The following PARVA variants were observed in gnomAD, a reference collection of about 807,000 sequenced individuals.
The protein encoded by PARVA is parvin alpha, also known as alpha-parvin.
A neutral mutation model predicts 52.6 loss-of-function variants in PARVA; 25 were observed. The ratio of observed to expected loss-of-function variants is 0.48; its 90% CI spans 0.35 to 0.66. The LOEUF is 0.66. PARVA is among the 30% of genes least tolerant of loss of function. PARVA has a pLI of 0.01. For missense variants in PARVA, 373 were observed against 450.9 expected (o/e 0.83, Z 1.56); for synonymous variants, 185 against 179.1 (o/e 1.03, Z -0.26).
intron 1 of PARVA, among the ~76,000 whole-genome samples, chr11:12,462,242 A>C (rs1215173906): frequency 1.3e-5 from 2 of 152,218 alleles, no homozygotes; most frequent in Non-Finnish European, 1.5e-5. Context: ...TAAATATGTT[A>C]CTTTATGTGG....
At chr11:12,447,466 G>A (rs932464346) in intron 1 of PARVA, among the ~76,000 whole-genome samples, 5 of 152,156 alleles carry the variant, frequency 3.3e-5, no homozygotes, top group African/African-American at 9.7e-5. Flanking sequence ...CCCCGAGCCC[G>A]GTAGATATGG....
chr11:12,506,115 G>C (rs1941428475), intron 6 of PARVA, among the ~76,000 whole-genome samples: 1 of 152,134 alleles, frequency 6.6e-6, no homozygotes, highest in South Asian at 2.1e-4. Flanking sequence ...GGAAATCTCT[G>C]GAAATGTCTG....
chr11:12,445,807 T>C lies in PARVA; in HGVS notation c.137-27938T>C, dbSNP rs969624343. On this transcript the variant is annotated intron_variant, in intron 1 of 12. Coordinates refer to ENST00000334956, the MANE Select transcript of PARVA (RefSeq NM_018222.5). The stretch of plus-strand genomic sequence containing the variant: ...TTTCCAGGAAAGTCTCAATTTCAAA[T>C]ATTCTGTCCCATTTTACCCATGAGA... Among the ~76,000 whole-genome samples the C allele has an allele frequency of 3.4e-4, 51 of 152,180 alleles. 1 individual carries two copies. The highest frequency in any genetic ancestry group is 1.3e-4 in the Non-Finnish European group (9 of 68,040).
chr11:12,423,886 A>C, intron 1 of PARVA, among the ~76,000 whole-genome samples: 1 of 152,212 alleles, frequency 6.6e-6, no homozygotes, highest in East Asian at 1.9e-4. Flanking sequence ...AATATGTCTT[A>C]AAATTTGATT....
chr11:12,466,723 T>A (rs1462384634), intron 1 of PARVA, among the ~76,000 whole-genome samples: 1 of 152,156 alleles, frequency 6.6e-6, no homozygotes, highest in Non-Finnish European at 1.5e-5. Context: ...TTCTGTTTTT[T>A]TTTTCTAGAA....
At chr11:12,423,324 G>A (rs571887891) in intron 1 of PARVA, among the ~76,000 whole-genome samples, 14 of 149,430 alleles carry the variant, frequency 9.4e-5, no homozygotes, top group Admixed American at 2.7e-4. Flanking sequence ...GACCACAGGC[G>A]TGCGCCACCA....
intron 1 of PARVA, among the ~76,000 whole-genome samples, chr11:12,400,893 G>T (rs1233421026): frequency 6.6e-6 from 1 of 152,220 alleles, no homozygotes; most frequent in Non-Finnish European, 1.5e-5. Flanking sequence ...TATACTAGCA[G>T]TGTGGGCAAA....
chr11:12,449,736 G>A (rs947201492), intron 1 of PARVA, among the ~76,000 whole-genome samples: 18 of 152,170 alleles, frequency 1.2e-4, no homozygotes, highest in Admixed American at 9.8e-4. Flanking sequence ...TGGGAGTGGG[G>A]GATTGCTACT....
chr11:12,502,462 C>G (rs1941374817), intron 5 of PARVA, among the ~76,000 whole-genome samples: 2 of 151,626 alleles, frequency 1.3e-5, no homozygotes, highest in South Asian at 4.2e-4. Flanking sequence ...AGCCGTGAAG[C>G]TGGTAGGACT....
At chr11:12,482,422 C>T (rs1277299356) in intron 4 of PARVA, among the ~76,000 whole-genome samples, 1 of 151,774 alleles carries the variant, frequency 6.6e-6, no homozygotes, top group Admixed American at 6.6e-5. Context: ...GTCAGGAGTT[C>T]GAGACCAGCC....
At chr11:12,518,655 A>G in intron 12 of PARVA, 138 bp downstream of exon 12, 2 of 689,448 alleles carry the variant, frequency 2.9e-6, no homozygotes, top group South Asian at 1.7e-5. Context: ...GCAGCTGCTC[A>G]GTCCCAGAGA....
chr11:12,405,239 G>C (rs1939886541), intron 1 of PARVA, among the ~76,000 whole-genome samples: 2 of 152,346 alleles, frequency 1.3e-5, no homozygotes, highest in Non-Finnish European at 2.9e-5. Context: ...TTTGATGTGA[G>C]ATGGTAAAGA....
At chr11:12,510,453 A>G (rs1365873357) in intron 7 of PARVA, among the ~76,000 whole-genome samples, 1 of 152,260 alleles carries the variant, frequency 6.6e-6, no homozygotes, top group Non-Finnish European at 1.5e-5. Context: ...TACCATAATT[A>G]TCTTCATTTT....
chr11:12,519,829 G>A (rs1469630254), intron 12 of PARVA, among the ~76,000 whole-genome samples: 1 of 152,210 alleles, frequency 6.6e-6, no homozygotes. Context: ...ACCTGGGGGA[G>A]GACCTCTAGC....
At chr11:12,509,330 A>G (rs1034351003) in intron 7 of PARVA, among the ~76,000 whole-genome samples, 6 of 152,154 alleles carry the variant, frequency 3.9e-5, no homozygotes, top group Admixed American at 3.9e-4. Context: ...AGAGGCTGCT[A>G]AGCCAACCCA....
chr11:12,392,637 A>G (rs1370806415), intron 1 of PARVA, among the ~76,000 whole-genome samples: 1 of 152,196 alleles, frequency 6.6e-6, no homozygotes, highest in African/African-American at 2.4e-5. Flanking sequence ...GGACACTTGG[A>G]TATTCATACT....
chr11:12,392,535 C>G (rs1188423217), intron 1 of PARVA, among the ~76,000 whole-genome samples: 1 of 152,126 alleles, frequency 6.6e-6, no homozygotes, highest in Non-Finnish European at 1.5e-5. Flanking sequence ...TCCCAAAGTG[C>G]TGGGATTACA....
intron 1 of PARVA, among the ~76,000 whole-genome samples, chr11:12,394,649 C>G (rs1220142084): frequency 1.3e-5 from 2 of 152,144 alleles, no homozygotes; most frequent in African/African-American, 4.8e-5. Flanking sequence ...CTGTAGTATT[C>G]TGTCTACTCT....
At chr11:12,399,793 A>G (rs1422969663) in intron 1 of PARVA, among the ~76,000 whole-genome samples, 1 of 152,202 alleles carries the variant, frequency 6.6e-6, no homozygotes, top group African/African-American at 2.4e-5. Context: ...TGTAAATAAT[A>G]TAGCCATTTG....
Sources: allele counts gnomAD v4.1 joint callset (sites outside exome capture counted in the v4.1 genomes callset), GRCh38; gene constraint gnomAD v4.1.1; transcripts MANE v1.5; gene names NCBI Gene and HGNC (gene_info 2026-07-23, HGNC 2026-07-21).